The following CNNM4 variants were observed in gnomAD, a reference collection of about 807,000 sequenced individuals.
CNNM4 encodes the protein metal transporter CNNM4.
A neutral mutation model predicts 53.7 loss-of-function variants in CNNM4; 32 were observed. The ratio of observed to expected loss-of-function variants is 0.60; its 90% confidence interval spans 0.45 to 0.80. The LOEUF (loss-of-function observed/expected upper bound fraction) is 0.80. Among genes scored for constraint, CNNM4 ranks in the 30% least tolerant of loss-of-function variants. The pLI is 0.00. For missense variants in CNNM4, 784 were observed against 1,022.0 expected (o/e 0.77, Z 3.17); for synonymous variants, 410 against 440.0 (o/e 0.93, Z 0.85).
intron 1 of CNNM4, among the ~76,000 whole-genome samples, chr2:96,775,413 C>T (rs1019710037): frequency 6.6e-6 from 1 of 152,208 alleles, no homozygotes; most frequent in Non-Finnish European, 1.5e-5. Flanking sequence ...TGGTTGCTGT[C>T]ATAATATTCC....
At chr2:96,763,336 A>C (rs1221420321) in intron 1 of CNNM4, among the ~76,000 whole-genome samples, 1 of 152,150 alleles carries the variant, frequency 6.6e-6, no homozygotes, top group Non-Finnish European at 1.5e-5. Context: ...TCTTCCAGCA[A>C]AATTTTCCTC....
Position 96,761,067 on chromosome 2 carries a change from C to T in CNNM4, c.68C>T (p.Ala23Val). 1 of 1,272,776 alleles carries T rather than the reference C, an allele frequency of 7.9e-7. No individual in the cohort carries two copies. The highest frequency in any genetic ancestry group is 9.9e-7 in the Non-Finnish European group (1 of 1,005,762). 78.8% of individuals were successfully genotyped at this position (1,272,776 alleles called of 1,614,324 possible). The change falls in exon 1 of 7, where the codon GCG becomes GTG. Residue 23 changes from alanine to valine, a missense_variant. By Grantham distance (64) the Ala-to-Val change is moderately conservative. Around this residue, in one of 3 missense-constraint regions of CNNM4, gnomAD observed 473 missense variants for 624.6 expected, o/e 0.76. Transcript: ENST00000377075. This position sits in a 1 kb window ranked among gnomAD's most constrained non-coding sequence, Gnocchi z 6.0. ...GPARGRLLLA[A>V]PVLLVLLWAL... is the part of the protein sequence containing the mutation. Reference sequence around the variant, plus strand: ...GCCCGCGGGCGCCTCCTCCTGGCGGCGCCGGTGCTGCTGGTGCTGCTGTGG... The same window carrying T: ...GCCCGCGGGCGCCTCCTCCTGGCGGTGCCGGTGCTGCTGGTGCTGCTGTGG...
chr2:96,775,850 C>A (rs1190149867), intron 1 of CNNM4, among the ~76,000 whole-genome samples: 1 of 152,100 alleles, frequency 6.6e-6, no homozygotes, highest in African/African-American at 2.4e-5. Flanking sequence ...CTCAGCCTCC[C>A]AAGTAGCTGG....
At chr2:96,779,010 G>T (rs2078950073) in intron 1 of CNNM4, among the ~76,000 whole-genome samples, 1 of 152,032 alleles carries the variant, frequency 6.6e-6, no homozygotes, top group African/African-American at 2.4e-5. Flanking sequence ...AGGCTGGAGT[G>T]CAGTGGCGCG....
At position 96,796,915 on chromosome 2, in the gene CNNM4, GTGACTTA is replaced by G. The variant is rs2079109166; in HGVS notation, c.1403-92_1403-86del. ...TAAAAACCACCATGACCCCATCCTG[GTGACTTA>G]TGACCCTACGTCTAGAGTTAATGTT... On this transcript the variant is annotated intron_variant, in intron 1 of 6. Coordinates refer to ENST00000377075, the MANE Select transcript of CNNM4 (RefSeq NM_020184.4). 2.3e-6 allele frequency: 3 copies of G among 1,280,784 alleles called. No individual in the cohort carries two copies. In the African/African-American group the frequency reaches 4.4e-5, roughly 19 times the overall value. The allele number at this position is 1,280,784 out of a possible 1,614,324, so 79.3% of individuals were successfully genotyped here. A position where few individuals can be genotyped will look rare whatever the true frequency, so the allele number is the denominator to read the frequency against.
Position 96,761,800 on chromosome 2 carries a change from C to T in CNNM4, c.801C>T (p.Ser267=), listed in dbSNP as rs1466406781. 1.2e-6 allele frequency: 2 copies of T among 1,613,830 alleles called. No homozygotes were observed. Among genetic ancestry groups the T allele is most frequent in the Non-Finnish European group, 1.7e-6 (2 of 1,180,038 alleles). ...LTILLDNLIG[S]GLMAVASSTI... ...TCCTTCTAGACAACCTCATCGGGTC[C>T]GGCCTCATGGCGGTGGCCTCCTCCA... The change falls in exon 1 of 7, where the codon TCC becomes TCT. Residue 267 remains serine (S), a synonymous_variant. Coordinates refer to ENST00000377075, the MANE Select transcript of CNNM4 (RefSeq NM_020184.4). The surrounding 1 kb of genome is among the most constrained non-coding windows in gnomAD (Gnocchi z 6.0).
chr2:96,762,106 G>A lies in CNNM4; in HGVS notation c.1107G>A (p.Arg369=), dbSNP rs1322445548. ...TGATCCAGGGTGCCCTGGAACTACG[G>A]ACCAAAACTGTAGAGGATATCATGA... ...LNMIQGALEL[R]TKTVEDIMTQ... Residue 369 remains arginine, a synonymous_variant, in exon 1 of 7, where the codon CGG becomes CGA. Transcript: ENST00000377075. 6.2e-7 allele frequency: 1 copy of A among 1,613,940 alleles called. No individual in the cohort carries two copies. The highest frequency in any genetic ancestry group is 1.1e-5 in the South Asian group (1 of 91,074).
chr2:96,770,165 A>T (rs186083600), intron 1 of CNNM4, among the ~76,000 whole-genome samples: 64 of 152,320 alleles, frequency 4.2e-4, no homozygotes, highest in African/African-American at 1.5e-3. Context: ...CTCTTCTCAG[A>T]GCTCTTGTTT....
At chr2:96,793,063 G>A (rs967388324) in intron 1 of CNNM4, among the ~76,000 whole-genome samples, 1 of 152,112 alleles carries the variant, frequency 6.6e-6, no homozygotes, top group African/African-American at 2.4e-5. Context: ...CAGGTGTACA[G>A]ACTGAGTTCT....
chr2:96,779,990 C>T (rs1346021873), intron 1 of CNNM4, among the ~76,000 whole-genome samples: 2 of 152,058 alleles, frequency 1.3e-5, no homozygotes, highest in East Asian at 1.9e-4. Flanking sequence ...TTAGTAGAGA[C>T]GGGGTTTCAC....
At chr2:96,803,414 TG>T (rs756288403) in intron 5 of CNNM4, among the ~76,000 whole-genome samples, 5 of 152,202 alleles carry the variant, frequency 3.3e-5, no homozygotes, top group Non-Finnish European at 4.4e-5. Flanking sequence ...CTTTCAACAA[TG>T]AAATTACCAG....
chr2:96,760,954 CGCGGCGTGGCGCGGGGAGCG>C lies in CNNM4; in HGVS notation c.-39_-20del. On this transcript the variant is annotated 5_prime_UTR_variant, in exon 1 of 7. Transcript: ENST00000377075. ...GGAGCTGCGGTGCGGACCGGGGCCG[CGCGGCGTGGCGCGGGGAGCG>C]GCGGCGGCGGCAGAGCCAGAGCAAC... 1 of 961,304 alleles carries C rather than the reference CGCGGCGTGGCGCGGGGAGCG, an allele frequency of 1.0e-6. No individual in the cohort carries two copies. Among genetic ancestry groups the C allele is most frequent in the Non-Finnish European group, 1.2e-6 (1 of 807,534 alleles). 59.5% of individuals were successfully genotyped at this position (961,304 alleles called of 1,614,324 possible). A position where few individuals can be genotyped will look rare whatever the true frequency, so the allele number is the denominator to read the frequency against.
intron 1 of CNNM4, among the ~76,000 whole-genome samples, chr2:96,764,691 A>T (rs572656098): frequency 5.3e-4 from 80 of 152,268 alleles, no homozygotes; most frequent in African/African-American, 1.8e-3. Flanking sequence ...TACATCTGCA[A>T]TTTAAGAGTT....
intron 1 of CNNM4, among the ~76,000 whole-genome samples, chr2:96,794,528 A>T (rs968235573): frequency 1.3e-5 from 2 of 152,080 alleles, no homozygotes; most frequent in African/African-American, 4.8e-5. Context: ...TCCGCGCTTT[A>T]TTCATCCACC....
chr2:96,794,313 A>G (rs767434999), intron 1 of CNNM4, among the ~76,000 whole-genome samples: 12 of 152,192 alleles, frequency 7.9e-5, no homozygotes, highest in Non-Finnish European at 1.6e-4. Context: ...CCCATCAAAT[A>G]TAACAGTATA....
chr2:96,800,203 G>T lies in CNNM4; in HGVS notation c.1948+555G>T, dbSNP rs888499735. Among the ~76,000 whole-genome samples the T allele has an allele frequency of 6.6e-6, 1 of 152,068 alleles. No individual in the cohort carries two copies. Among genetic ancestry groups the T allele is most frequent in the African/African-American group, 2.4e-5 (1 of 41,394 alleles). The stretch of plus-strand genomic sequence containing the variant: ...CGAGAGGTGTTATGGAAGGTCCGGG[G>T]ATGCGCCACTCTGGCCGCCCCAGTG... On this transcript the variant is annotated intron_variant, in intron 5 of 6. Coordinates refer to ENST00000377075, the MANE Select transcript of CNNM4 (RefSeq NM_020184.4). This position sits in a 1 kb window ranked among gnomAD's most constrained non-coding sequence, Gnocchi z 4.6.
chr2:96,765,032 T>A (rs1423475908), intron 1 of CNNM4, among the ~76,000 whole-genome samples: 3 of 92,082 alleles, frequency 3.3e-5, no homozygotes, highest in African/African-American at 2.4e-4. Flanking sequence ...TGGTTTTTTT[T>A]TTTTTTTTTT....
intron 1 of CNNM4, among the ~76,000 whole-genome samples, chr2:96,770,674 G>A (rs2078861160): frequency 6.6e-6 from 1 of 152,166 alleles, no homozygotes; most frequent in African/African-American, 2.4e-5. Context: ...CCTCCCACAT[G>A]AACCTGGTTG....
At chr2:96,806,123 G>C (rs961120537) in intron 5 of CNNM4, among the ~76,000 whole-genome samples, 5 of 148,210 alleles carry the variant, frequency 3.4e-5, no homozygotes, top group African/African-American at 1.0e-4. Context: ...CTGGCCGGGC[G>C]GGGGGCTGAC....
Sources: allele counts gnomAD v4.1 joint callset (sites outside exome capture counted in the v4.1 genomes callset), GRCh38; gene constraint gnomAD v4.1.1; regional missense constraint gnomAD v4.1.1; non-coding constraint Gnocchi (gnomAD v3.1); transcripts MANE v1.5; gene names NCBI Gene and HGNC (gene_info 2026-07-23, HGNC 2026-07-21).